Variants in PSMA7 observed in about 807,000 individuals in gnomAD.
PSMA7 encodes proteasome 20S subunit alpha 7, also known as proteasome subunit alpha type-7.
A neutral mutation model predicts 31.3 loss-of-function variants in PSMA7; 5 were observed. The ratio of observed to expected loss-of-function variants is 0.16; its 90% confidence interval spans 0.08 to 0.34. The LOEUF (loss-of-function observed/expected upper bound fraction) is 0.34. PSMA7 is among the 10% of genes least tolerant of loss of function. The probability of loss-of-function intolerance (pLI) is 1.00; values close to 1 mark genes in which losing one functional copy is unlikely to be tolerated. For synonymous variants in PSMA7, 155 were observed against 121.9 expected, an observed-to-expected ratio of 1.27 and a Z score of -1.79; for missense variants, 217 against 327.5, an observed-to-expected ratio of 0.66 and a Z score of 2.60.
chr20:62,138,014 T>C (rs577044786), intron 5 of PSMA7, among the ~76,000 whole-genome samples, 157 bp downstream of exon 5: 1 of 152,358 alleles, frequency 6.6e-6, no homozygotes, highest in Admixed American at 6.5e-5. Context: ...ACACAGCAGT[T>C]AGGATACACC....
At chr20:62,138,031 C>A in intron 5 of PSMA7, 140 bp downstream of exon 5, 3 of 1,149,768 alleles carry the variant, frequency 2.6e-6, no homozygotes, top group Non-Finnish European at 3.8e-6. Flanking sequence ...CACCATAGAC[C>A]AGAGCAGTGC....
chr20:62,143,381 C>G lies in PSMA7; in HGVS notation c.-78G>C, dbSNP rs1166344175. On this transcript the variant is annotated 5_prime_UTR_variant, in exon 1 of 7. Coordinates refer to ENST00000370873, the MANE Select transcript of PSMA7 (RefSeq NM_002792.4). The stretch of plus-strand genomic sequence containing the variant: ...TCACGGCCCGCGCGCACCCGCGACT[C>G]CCGGCGCCACTACGCCCGCGCCCCA... 1 of 819,024 alleles carries G rather than the reference C, an allele frequency of 1.2e-6. No homozygotes were observed. The highest frequency in any genetic ancestry group is 1.9e-5 in the African/African-American group (1 of 53,798). 50.7% of individuals were successfully genotyped at this position (819,024 alleles called of 1,614,324 possible). A position where few individuals can be genotyped will look rare whatever the true frequency, so the allele number is the denominator to read the frequency against.
At chr20:62,142,593 G>A (rs2056939996) in intron 1 of PSMA7, 2 of 152,236 alleles carry the variant, frequency 1.3e-5, no homozygotes, top group South Asian at 2.1e-4. Flanking sequence ...CCTGACCCGG[G>A]CGGCTGCAGC....
chr20:62,138,378 C>T (rs1429971701), intron 4 of PSMA7, 88 bp from the exon 5 acceptor site: 1 of 1,487,960 alleles, frequency 6.7e-7, no homozygotes, highest in Non-Finnish European at 8.9e-7. Flanking sequence ...ATGGGCCGCC[C>T]AGCCAGTGGC....
intron 1 of PSMA7, 76 bp downstream of exon 1, chr20:62,143,131 CG>C: frequency 9.4e-6 from 9 of 958,836 alleles, no homozygotes; most frequent in Non-Finnish European, 1.1e-5. Context: ...GCGCCGCGCC[CG>C]GCCCCGGCCC....
At chr20:62,142,444 T>C (rs1479534094) in intron 1 of PSMA7, 1 of 152,240 alleles carries the variant, frequency 6.6e-6, no homozygotes, top group Admixed American at 6.5e-5. Context: ...GAATACCAGA[T>C]GATAAAAGAA....
chr20:62,139,147 G>T lies in PSMA7; in HGVS notation c.399C>A (p.Ile133=). ...GAGTGCCATCAAAGTCGAAACCCACGATGAGGGCAGAGATGCCAAACGGCC... is the reference window on the plus strand; with the variant it reads ...GAGTGCCATCAAAGTCGAAACCCACTATGAGGGCAGAGATGCCAAACGGCC... The part of the protein sequence containing the change: ...GRRPFGISAL[I]VGFDFDGTPR... Residue 133 remains isoleucine, a synonymous_variant, in exon 4 of 7, where the codon ATC becomes ATA. Coordinates refer to ENST00000370873, the MANE Select transcript of PSMA7 (RefSeq NM_002792.4). The T allele has an allele frequency of 6.2e-7, 1 of 1,614,200 alleles. No individual in the cohort carries two copies. The highest frequency in any genetic ancestry group is 8.5e-7 in the Non-Finnish European group (1 of 1,180,020).
intron 1 of PSMA7, among the ~76,000 whole-genome samples, chr20:62,141,665 G>C (rs1436690529): frequency 1.3e-5 from 2 of 152,268 alleles, no homozygotes; most frequent in Admixed American, 6.5e-5. Context: ...TCTGAAGGCA[G>C]TGTTTCTGTA....
intron 5 of PSMA7, 57 bp from the exon 6 acceptor site, chr20:62,137,483 A>T (rs1197034781): frequency 4.6e-6 from 7 of 1,529,462 alleles, no homozygotes; most frequent in Non-Finnish European, 6.3e-6. Context: ...AGACAAAAGC[A>T]GCTCTCAGGA....
In PSMA7 at chr20:62,143,296, T is replaced by C. The variant is rs1200708104; in HGVS notation, c.8A>G (p.Tyr3Cys). 7.0e-7 allele frequency: 1 copy of C among 1,429,468 alleles called. No individual in the cohort carries two copies. Among genetic ancestry groups the C allele is most frequent in the Non-Finnish European group, 9.3e-7 (1 of 1,076,686 alleles). The allele number at this position is 1,429,468 out of a possible 1,614,324, so 88.5% of individuals were successfully genotyped here. Reference sequence around the variant, plus strand: ...CGAGAAGACGGTGATGGCGCGGTCGTAGCTCATGCCGGCGGGCGGCGGCCG... The same window carrying C: ...CGAGAAGACGGTGATGGCGCGGTCGCAGCTCATGCCGGCGGGCGGCGGCCG... Reference protein sequence around the residue: MSYDRAITVFSPD... With the variant: MSCDRAITVFSPD... Residue 3 changes from tyrosine to cysteine, a missense_variant, in exon 1 of 7, where the codon TAC (tyrosine) becomes TGC (cysteine). Tyr to Cys is a radical substitution (Grantham distance 194, BLOSUM62 -2). Coordinates refer to ENST00000370873, the MANE Select transcript of PSMA7 (RefSeq NM_002792.4).
At chr20:62,139,350 C>T in intron 3 of PSMA7, 153 bp from the exon 4 acceptor site, 1 of 990,744 alleles carries the variant, frequency 1.0e-6, no homozygotes, top group Non-Finnish European at 1.4e-6. Context: ...CAATAGCTTT[C>T]AACATCCTTT....
In PSMA7 at chr20:62,143,386, C is replaced by G; in HGVS notation, c.-83G>C. 1 of 751,342 alleles carries G rather than the reference C, an allele frequency of 1.3e-6. No individual in the cohort carries two copies. The highest frequency in any genetic ancestry group is 1.7e-6 in the Non-Finnish European group (1 of 571,440). 46.5% of individuals were successfully genotyped at this position (751,342 alleles called of 1,614,324 possible). A position where few individuals can be genotyped will look rare whatever the true frequency, so the allele number is the denominator to read the frequency against. ...GCCCGCGCGCACCCGCGACTCCCGG[C>G]GCCACTACGCCCGCGCCCCACCCTC... is the stretch of plus-strand genomic sequence containing the variant. On this transcript the variant is annotated 5_prime_UTR_variant, in exon 1 of 7. Coordinates refer to ENST00000370873, the MANE Select transcript of PSMA7 (RefSeq NM_002792.4).
chr20:62,139,608 T>C (rs1296699438), intron 3 of PSMA7, 173 bp downstream of exon 3: 2 of 1,022,252 alleles, frequency 2.0e-6, no homozygotes, highest in African/African-American at 3.2e-5. Flanking sequence ...CAGAACAATG[T>C]TACTGAAATT....
intron 6 of PSMA7, 57 bp from the exon 7 acceptor site, chr20:62,137,006 C>T (rs1209576057): frequency 1.3e-6 from 2 of 1,580,534 alleles, no homozygotes; most frequent in Non-Finnish European, 1.7e-6. Flanking sequence ...GGAACCAGCG[C>T]CCTCTTCTGG....
chr20:62,139,332 A>T (rs1254434110), intron 3 of PSMA7, 135 bp from the exon 4 acceptor site: 1 of 1,109,028 alleles, frequency 9.0e-7, no homozygotes, highest in Non-Finnish European at 1.3e-6. Flanking sequence ...TTCAAATGAT[A>T]CATTAGCCAA....
chr20:62,141,290 G>A (rs932918071), intron 1 of PSMA7, among the ~76,000 whole-genome samples: 5 of 152,276 alleles, frequency 3.3e-5, no homozygotes, highest in African/African-American at 1.2e-4. Flanking sequence ...AGTGATACAT[G>A]GTTCTACTGC....
chr20:62,140,045 C>T, intron 2 of PSMA7, 140 bp from the exon 3 acceptor site: 4 of 1,165,064 alleles, frequency 3.4e-6, no homozygotes, highest in Non-Finnish European at 4.7e-6. Flanking sequence ...GGCAGCGGAA[C>T]CTATCAGCCC....
At chr20:62,138,399 G>A (rs1012058456) in intron 4 of PSMA7, 109 bp from the exon 5 acceptor site, 3 of 1,430,918 alleles carry the variant, frequency 2.1e-6, no homozygotes, top group Non-Finnish European at 2.8e-6. Flanking sequence ...AGTGGCAGGA[G>A]GCAAGCTGGA....
At chr20:62,140,014 G>C (rs1328009122) in intron 2 of PSMA7, 109 bp from the exon 3 acceptor site, 1 of 1,393,564 alleles carries the variant, frequency 7.2e-7, no homozygotes, top group African/African-American at 1.4e-5. Flanking sequence ...CAAACCGGCA[G>C]CAAGGCTATT....
Sources: allele counts gnomAD v4.1 joint callset (sites outside exome capture counted in the v4.1 genomes callset), GRCh38; gene constraint gnomAD v4.1.1; transcripts MANE v1.5; gene names NCBI Gene and HGNC (gene_info 2026-07-23, HGNC 2026-07-21).